DAB1: variants seen among roughly 807,000 people sequenced by gnomAD.
DAB1 encodes DAB adaptor protein 1, also known as disabled homolog 1.
DAB1 carries 15 observed loss-of-function variants against 64.6 expected under a neutral mutation model. That is an observed-to-expected ratio of 0.23 (90% CI 0.16 to 0.36). DAB1 has a LOEUF of 0.36. DAB1 is among the 10% of genes least tolerant of loss of function. DAB1 has a pLI of 1.00. For missense variants in DAB1, 596 were observed against 706.7 expected (o/e 0.84, Z 1.78); for synonymous variants, 235 against 251.9 (o/e 0.93, Z 0.64).
At chr1:58,025,598 G>T (rs1188378030) in intron 5 of DAB1, among the ~76,000 whole-genome samples, 1 of 134,592 alleles carries the variant, frequency 7.4e-6, no homozygotes, top group African/African-American at 2.8e-5. Context: ...TCTTTCTCTT[G>T]TCTCCTATTA....
At chr1:57,987,199 C>A (rs769984795) in intron 5 of DAB1, among the ~76,000 whole-genome samples, 2 of 152,276 alleles carry the variant, frequency 1.3e-5, no homozygotes, top group South Asian at 2.1e-4. Context: ...ATTTATAGGA[C>A]GCTCTTCAGA....
chr1:58,132,687 G>C (rs1234758713), intron 5 of DAB1, among the ~76,000 whole-genome samples: 2 of 152,108 alleles, frequency 1.3e-5, no homozygotes, highest in Non-Finnish European at 2.9e-5. Flanking sequence ...ACACAAACAG[G>C]ATTCTGTGCT....
intron 4 of DAB1, among the ~76,000 whole-genome samples, chr1:58,315,818 T>G (rs79806080): frequency 2.0e-5 from 3 of 152,362 alleles, no homozygotes; most frequent in African/African-American, 7.2e-5. Flanking sequence ...GTGAACTGGC[T>G]TATGCTACTT....
intron 1 of DAB1, among the ~76,000 whole-genome samples, chr1:57,327,537 G>A (rs1206406968): frequency 6.6e-6 from 1 of 151,988 alleles, no homozygotes; most frequent in African/African-American, 2.4e-5. Context: ...TGCCAAACCT[G>A]GCAACCAATC....
At chr1:57,985,199 C>T (rs1161956629) in intron 5 of DAB1, among the ~76,000 whole-genome samples, 1 of 152,200 alleles carries the variant, frequency 6.6e-6, no homozygotes, top group African/African-American at 2.4e-5. Context: ...TGAGCCACCA[C>T]ACCCGGCCTG....
At chr1:58,461,696 A>T (rs1264148749) in intron 3 of DAB1, among the ~76,000 whole-genome samples, 1 of 152,162 alleles carries the variant, frequency 6.6e-6, no homozygotes, top group African/African-American at 2.4e-5. Flanking sequence ...TTCTACGAGC[A>T]CCCCAAAGAC....
chr1:57,955,554 C>T (rs1334399590), intron 5 of DAB1, among the ~76,000 whole-genome samples: 1 of 152,024 alleles, frequency 6.6e-6, no homozygotes. Flanking sequence ...CACTTTCAGT[C>T]ACGATGCACA....
chr1:57,136,436 A>G (rs757886589), intron 4 of DAB1, 107 bp downstream of exon 4: 33 of 543,106 alleles, frequency 6.1e-5, no homozygotes, highest in Admixed American at 1.4e-4. Flanking sequence ...CAGTTGCTTT[A>G]TGTGTTTTTA....
intron 5 of DAB1, among the ~76,000 whole-genome samples, chr1:58,014,974 C>G (rs1001443288): frequency 7.2e-5 from 11 of 152,192 alleles, no homozygotes; most frequent in Non-Finnish European, 1.3e-4. Context: ...GTGCTAAGCT[C>G]AGCCCTCCCA....
intron 4 of DAB1, among the ~76,000 whole-genome samples, chr1:58,212,279 T>C (rs1271218872): frequency 1.3e-5 from 2 of 152,200 alleles, no homozygotes; most frequent in Admixed American, 1.3e-4. Context: ...TGGATTGCCT[T>C]GTTTATTGCT....
At chr1:57,122,030 A>T (rs2100755384) in intron 4 of DAB1, among the ~76,000 whole-genome samples, 1 of 152,266 alleles carries the variant, frequency 6.6e-6, no homozygotes, top group East Asian at 1.9e-4. Flanking sequence ...TCTCTGTATT[A>T]TATCTCTATT....
chr1:57,479,398 G>T (rs1643982475), intron 7 of DAB1, among the ~76,000 whole-genome samples: 1 of 150,248 alleles, frequency 6.7e-6, no homozygotes, highest in Non-Finnish European at 1.5e-5. Context: ...CTAAATAAAA[G>T]AACTGTTTCA....
intron 5 of DAB1, among the ~76,000 whole-genome samples, chr1:58,075,071 T>C (rs931637479): frequency 1.5e-4 from 23 of 152,178 alleles, no homozygotes; most frequent in Non-Finnish European, 2.2e-4. Context: ...CATAACTTTA[T>C]CTGCTCTTTA....
chr1:58,080,513 T>C (rs895200675), intron 5 of DAB1, among the ~76,000 whole-genome samples: 1 of 152,364 alleles, frequency 6.6e-6, no homozygotes, highest in African/African-American at 2.4e-5. Flanking sequence ...TCCTGTAACC[T>C]TGCCAAGGCA....
At chr1:57,984,250 AAGAAAGAAAG>A (rs1646151612) in intron 5 of DAB1, among the ~76,000 whole-genome samples, 1 of 145,760 alleles carries the variant, frequency 6.9e-6, no homozygotes, top group Non-Finnish European at 1.5e-5. Flanking sequence ...GAAAGAAAGA[AAGAAAGAAAG>A]AAAAAAAATT....
intron 5 of DAB1, among the ~76,000 whole-genome samples, chr1:57,940,476 A>C (rs1645087408): frequency 6.6e-6 from 1 of 152,234 alleles, no homozygotes; most frequent in Non-Finnish European, 1.5e-5. Flanking sequence ...TCCACAGTTA[A>C]ACAGCAAGTG....
At chr1:57,029,352 T>A (rs1397862839) in intron 9 of DAB1, among the ~76,000 whole-genome samples, 2 of 152,142 alleles carry the variant, frequency 1.3e-5, no homozygotes, top group African/African-American at 4.8e-5. Flanking sequence ...CAGGCAGAAG[T>A]TTGCTGCAAG....
At chr1:57,827,708 C>T (rs1652412551) in intron 1 of DAB1, among the ~76,000 whole-genome samples, 1 of 152,104 alleles carries the variant, frequency 6.6e-6, no homozygotes, top group South Asian at 2.1e-4. Flanking sequence ...TTCCACCTTT[C>T]GTGACTTATC....
chr1:57,390,964 A>G (rs553674), intron 1 of DAB1, among the ~76,000 whole-genome samples: 62,457 of 152,052 alleles, frequency 0.41, 13,414 homozygotes, highest in African/African-American at 0.47. Flanking sequence ...TGATCTAAAT[A>G]ATCTTTTCCC....
Sources: allele counts gnomAD v4.1 joint callset (sites outside exome capture counted in the v4.1 genomes callset), GRCh38; gene constraint gnomAD v4.1.1; transcripts MANE v1.5; gene names NCBI Gene and HGNC (gene_info 2026-07-23, HGNC 2026-07-21).